The following KIF6 variants were observed in gnomAD, a reference collection of about 807,000 sequenced individuals.
KIF6 encodes the protein kinesin-like protein KIF6.
Under a neutral mutation model 112.7 loss-of-function variants are expected in KIF6, and 106 were observed. The observed-to-expected ratio is 0.94, with a 90% CI of 0.80 to 1.11. The LOEUF (loss-of-function observed/expected upper bound fraction) is 1.11, where lower values mean the gene tolerates loss of function less well. Among genes scored for constraint, KIF6 ranks in the 50% least tolerant of loss-of-function variants. The probability of loss-of-function intolerance (pLI) is 0.00; values close to 1 mark genes in which losing one functional copy is unlikely to be tolerated. For synonymous variants in KIF6, 339 were observed against 339.9 expected (o/e 1.00, Z 0.03); for missense variants, 929 against 964.0 (o/e 0.96, Z 0.48).
rs533456636 is a variant in KIF6, at chr6:39,336,395, C to T, written c.*137G>A. The T allele has an allele frequency of 4.9e-5, 41 of 840,586 alleles. No individual in the cohort carries two copies. The highest frequency in any genetic ancestry group is 2.4e-5 in the Non-Finnish European group (12 of 502,628). 52.1% of individuals were successfully genotyped at this position (840,586 alleles called of 1,614,324 possible). ...AGCATCCTTAAAGAAACACAGTCCC[C>T]TCCATGGGAATCAAAGTCACTAGTT... On this transcript the variant is annotated 3_prime_UTR_variant, in exon 23 of 23. Coordinates refer to ENST00000287152, the MANE Select transcript of KIF6 (RefSeq NM_145027.6).
chr6:39,461,467 C>G (rs917579413), intron 13 of KIF6, among the ~76,000 whole-genome samples: 1 of 151,922 alleles, frequency 6.6e-6, no homozygotes, highest in Non-Finnish European at 1.5e-5. Context: ...TTTAGATTTT[C>G]TAGTAATTTT....
At chr6:39,606,393 G>C (rs1173113651) in intron 6 of KIF6, among the ~76,000 whole-genome samples, 1 of 152,012 alleles carries the variant, frequency 6.6e-6, no homozygotes, top group Non-Finnish European at 1.5e-5. Context: ...TCAGCCTTCA[G>C]ATGTATGTTC....
chr6:39,443,512 T>G (rs1214559289), intron 13 of KIF6, among the ~76,000 whole-genome samples: 1 of 152,158 alleles, frequency 6.6e-6, no homozygotes, highest in Non-Finnish European at 1.5e-5. Context: ...GGTGCAATCT[T>G]GGCTCACTGC....
rs141607380 is a variant in KIF6 at position 39,468,582 on chromosome 6, G to GA, written c.1646-37422dup. Among the ~76,000 whole-genome samples the GA allele has an allele frequency of 5.7e-3, 861 of 152,184 alleles. 7 individuals are homozygous for GA. Among genetic ancestry groups the GA allele is most frequent in the African/African-American group, 0.017 (706 of 41,542 alleles). ...AATGACACACTGAAATACTGATGAAGAAAAAGCTGTCAACCAAGACTCTTG... is the reference window on the plus strand; with the variant it reads ...AATGACACACTGAAATACTGATGAAGAAAAAAGCTGTCAACCAAGACTCTTG... On this transcript the variant is annotated intron_variant, in intron 13 of 22. Transcript: ENST00000287152.
chr6:39,514,281 A>C (rs569448888), intron 13 of KIF6, among the ~76,000 whole-genome samples: 1 of 152,356 alleles, frequency 6.6e-6, no homozygotes, highest in African/African-American at 2.4e-5. Context: ...TTTTAAGAAC[A>C]GCTTTATTGT....
At chr6:39,550,621 G>A (rs1392543396) in intron 10 of KIF6, among the ~76,000 whole-genome samples, 1 of 152,228 alleles carries the variant, frequency 6.6e-6, no homozygotes, top group Non-Finnish European at 1.5e-5. Context: ...TGGTATTCCA[G>A]AGCTGATGGT....
intron 3 of KIF6, among the ~76,000 whole-genome samples, chr6:39,640,603 T>C (rs1784851577): frequency 6.6e-6 from 1 of 152,094 alleles, no homozygotes; most frequent in African/African-American, 2.4e-5. Context: ...GATAGATGGC[T>C]CCTCTGAGTT....
intron 12 of KIF6, among the ~76,000 whole-genome samples, chr6:39,543,574 T>C (rs1778910319): frequency 6.6e-6 from 1 of 152,128 alleles, no homozygotes; most frequent in Non-Finnish European, 1.5e-5. Context: ...ACTATTTTCA[T>C]GCATTTTGCA....
chr6:39,387,558 G>T (rs966684104), intron 15 of KIF6, among the ~76,000 whole-genome samples: 2 of 152,046 alleles, frequency 1.3e-5, no homozygotes, highest in Non-Finnish European at 2.9e-5. Flanking sequence ...GGGAAGGGTG[G>T]GAACTTCAGG....
chr6:39,675,086 A>C (rs192495219), intron 3 of KIF6, among the ~76,000 whole-genome samples: 12 of 152,134 alleles, frequency 7.9e-5, no homozygotes, highest in Admixed American at 2.0e-4. Context: ...TTAATGCATA[A>C]ATTTGCAAAA....
At chr6:39,659,538 G>A (rs891530888) in intron 3 of KIF6, among the ~76,000 whole-genome samples, 3 of 152,224 alleles carry the variant, frequency 2.0e-5, no homozygotes, top group Non-Finnish European at 2.9e-5. Flanking sequence ...TAATCCCCAC[G>A]TGTTGTGGGA....
At chr6:39,433,424 CAA>C (rs1288644972) in intron 13 of KIF6, among the ~76,000 whole-genome samples, 1 of 152,082 alleles carries the variant, frequency 6.6e-6, no homozygotes, top group Non-Finnish European at 1.5e-5. Context: ...CGCCAACTTT[CAA>C]AGACTTACAA....
chr6:39,331,950 C>CA lies in KIF6; in HGVS notation c.*4581_*4582insT, dbSNP rs1762754738. On this transcript the variant is annotated 3_prime_UTR_variant, in exon 23 of 23. Coordinates refer to ENST00000287152, the MANE Select transcript of KIF6 (RefSeq NM_145027.6). The stretch of plus-strand genomic sequence containing the variant: ...CTGGGGCTGTTTCTATTTGTTTTTT[C>CA]TTTTTTTTTTTTTTGAGACAGAGTT... 1 of 144,230 alleles carries CA rather than the reference C, an allele frequency of 6.9e-6. No homozygotes were observed. The highest frequency in any genetic ancestry group is 1.5e-5 in the Non-Finnish European group (1 of 65,966). 8.9% of individuals were successfully genotyped at this position (144,230 alleles called of 1,614,324 possible).
chr6:39,631,187 G>C (rs1202230393), intron 5 of KIF6, among the ~76,000 whole-genome samples: 4 of 151,496 alleles, frequency 2.6e-5, no homozygotes, highest in Non-Finnish European at 4.4e-5. Context: ...GGGATCACTG[G>C]ATGAGTTAAA....
intron 3 of KIF6, among the ~76,000 whole-genome samples, chr6:39,694,790 C>A (rs1788427602): frequency 6.6e-6 from 1 of 152,124 alleles, no homozygotes; most frequent in Admixed American, 6.6e-5. Flanking sequence ...TTACCAACAT[C>A]ATTTTTCACA....
chr6:39,510,872 CAA>C (rs1180631310), intron 13 of KIF6, among the ~76,000 whole-genome samples: 1,354 of 23,638 alleles, frequency 0.057, 1 homozygote, highest in Middle Eastern at 0.11. Flanking sequence ...AAATGGGAAG[CAA>C]AAAAAAAAAA....
At chr6:39,660,868 T>C (rs906674162) in intron 3 of KIF6, among the ~76,000 whole-genome samples, 9 of 152,210 alleles carry the variant, frequency 5.9e-5, no homozygotes, top group Admixed American at 3.3e-4. Flanking sequence ...ATTCCATAAT[T>C]ATATCAAGTT....
intron 3 of KIF6, among the ~76,000 whole-genome samples, chr6:39,703,083 C>A (rs1390247393): frequency 2.1e-5 from 1 of 47,590 alleles, no homozygotes; most frequent in African/African-American, 4.4e-5. Flanking sequence ...CAACCCCCCA[C>A]CCCCACTCCC....
chr6:39,435,217 C>G (rs749050759), intron 13 of KIF6, among the ~76,000 whole-genome samples: 1 of 152,084 alleles, frequency 6.6e-6, no homozygotes, highest in Non-Finnish European at 1.5e-5. Context: ...AGATCGTACT[C>G]TTATTAGTGC....
Sources: allele counts gnomAD v4.1 joint callset (sites outside exome capture counted in the v4.1 genomes callset), GRCh38; gene constraint gnomAD v4.1.1; transcripts MANE v1.5; gene names NCBI Gene and HGNC (gene_info 2026-07-23, HGNC 2026-07-21).